SCAF4: variants seen among roughly 807,000 people sequenced by gnomAD.
SCAF4 encodes SR-related and CTD-associated factor 4.
Under a neutral mutation model 129.8 loss-of-function variants are expected in SCAF4, and 25 were observed. The observed-to-expected ratio is 0.19, with a 90% CI of 0.14 to 0.27. SCAF4 has a LOEUF of 0.27. Ranked by LOEUF, SCAF4 falls within the 10% of genes least tolerant of loss-of-function variation. The pLI is 1.00. For missense variants in SCAF4, 1,246 were observed against 1,457.1 expected (o/e 0.86, Z 2.36); for synonymous variants, 551 against 497.7 (o/e 1.11, Z -1.43).
Position 31,696,158 on chromosome 21 carries a change from A to G in SCAF4, c.1023T>C (p.Phe341=). ...AYTQHQNMDQ[F]QPRMMGIQQD... Reference sequence around the variant, plus strand: ...GTTGTATTCCCATCATTCGTGGCTGAAACTGATCCATATTTTGATGCTGTG... The same window carrying G: ...GTTGTATTCCCATCATTCGTGGCTGGAACTGATCCATATTTTGATGCTGTG... Residue 341 remains phenylalanine, a synonymous_variant, in exon 9 of 20, where the codon TTT becomes TTC. Coordinates refer to ENST00000286835, the MANE Select transcript of SCAF4 (RefSeq NM_020706.2). 2 of 1,614,036 alleles carry G rather than the reference A, an allele frequency of 1.2e-6. No individual in the cohort carries two copies. The highest frequency in any genetic ancestry group is 1.7e-6 in the Non-Finnish European group (2 of 1,179,952).
chr21:31,700,911 A>T (rs1568845966), intron 7 of SCAF4, 84 bp downstream of exon 7: 1 of 1,361,662 alleles, frequency 7.3e-7, no homozygotes, highest in East Asian at 2.3e-5. Context: ...TGAACAATCC[A>T]CAGAAGGGAT....
chr21:31,720,427 A>G (rs1181011325), intron 1 of SCAF4, among the ~76,000 whole-genome samples: 1 of 152,206 alleles, frequency 6.6e-6, no homozygotes, highest in Non-Finnish European at 1.5e-5. Flanking sequence ...CCAAAAGTAC[A>G]CATTATTTTG....
chr21:31,731,777 G>C lies in SCAF4; in HGVS notation c.-85C>G. ...CGGAGCGGGGCTGGGAAACCAGCCG[G>C]GCCTGGTGGCCGGGGGGAGGCGACG... On this transcript the variant is annotated 5_prime_UTR_variant, in exon 1 of 20. Coordinates refer to ENST00000286835, the MANE Select transcript of SCAF4 (RefSeq NM_020706.2). The C allele has an allele frequency of 1.4e-6, 2 of 1,433,422 alleles. No homozygotes were observed. The allele number at this position is 1,433,422 out of a possible 1,614,324, so 88.8% of individuals were successfully genotyped here.
rs780899075 is a variant in SCAF4 at position 31,694,777 on chromosome 21, A to T, written c.1236+36T>A. The stretch of plus-strand genomic sequence containing the variant: ...AAATCTGCATATAAGTCAAGGCAAC[A>T]AAAAAAGATAAAACTATCTGAGAAT... On this transcript the variant is annotated intron_variant, in intron 10 of 19. Transcript: ENST00000286835. 3 of 1,601,374 alleles carry T rather than the reference A, an allele frequency of 1.9e-6. No individual in the cohort carries two copies. The South Asian group carries it at 3.3e-5, about 18-fold the overall frequency.
At chr21:31,691,242 G>C (rs1312889324) in intron 14 of SCAF4, among the ~76,000 whole-genome samples, 1 of 152,118 alleles carries the variant, frequency 6.6e-6, no homozygotes, top group African/African-American at 2.4e-5. Context: ...ACAGGGAAAG[G>C]CTGAAGTTCC....
chr21:31,700,853 T>A (rs764580725), intron 7 of SCAF4, 142 bp downstream of exon 7: 3 of 955,598 alleles, frequency 3.1e-6, no homozygotes, highest in Non-Finnish European at 4.9e-6. Flanking sequence ...AAATAATCGA[T>A]GTTTTCTTGT....
chr21:31,671,206 A>G lies in SCAF4; in HGVS notation c.*193T>C. ...AGTTACAGCAAAAAGGGTAATATTTATTCATATTTTCAGTATTTTTTGTTA... is the reference window on the plus strand; with the variant it reads ...AGTTACAGCAAAAAGGGTAATATTTGTTCATATTTTCAGTATTTTTTGTTA... On this transcript the variant is annotated 3_prime_UTR_variant, in exon 20 of 20. Transcript: ENST00000286835. The G allele has an allele frequency of 2.1e-6, 1 of 478,746 alleles. No individual in the cohort carries two copies. The highest frequency in any genetic ancestry group is 3.6e-6 in the Non-Finnish European group (1 of 280,966). 29.7% of individuals were successfully genotyped at this position (478,746 alleles called of 1,614,324 possible). A position where few individuals can be genotyped will look rare whatever the true frequency, so the allele number is the denominator to read the frequency against.
intron 14 of SCAF4, 54 bp from the exon 15 acceptor site, chr21:31,691,007 T>G: frequency 4.8e-6 from 7 of 1,470,418 alleles, no homozygotes; most frequent in Admixed American, 1.9e-5. Flanking sequence ...GTCGTAAGTC[T>G]TGAGGGTATT....
chr21:31,694,042 C>A lies in SCAF4; in HGVS notation c.1322+162G>T, dbSNP rs959612728. Among the ~76,000 whole-genome samples the A allele has an allele frequency of 1.3e-5, 2 of 151,132 alleles. 1 individual carries two copies. The highest frequency in any genetic ancestry group is 1.3e-4 in the Admixed American group (2 of 15,200). On this transcript the variant is annotated intron_variant, in intron 11 of 19. Transcript: ENST00000286835. ...ATGAATGATGTAGTTTTTTTTTTTA[C>A]ATCAATACTTCACCTGCCCCCTTCT...
intron 19 of SCAF4, among the ~76,000 whole-genome samples, chr21:31,677,134 C>T (rs931848094): frequency 6.6e-6 from 1 of 152,038 alleles, no homozygotes; most frequent in African/African-American, 2.4e-5. Context: ...TTTCATCCAC[C>T]CACATGCCAC....
In SCAF4 at chr21:31,671,480, A is replaced by C. The variant is rs781658059; in HGVS notation, c.3363T>G (p.Pro1121=). Residue 1121 remains proline, a synonymous_variant, in exon 20 of 20, where the codon CCT becomes CCG. Coordinates refer to ENST00000286835, the MANE Select transcript of SCAF4 (RefSeq NM_020706.2). The part of the protein sequence containing the change: ...KGVSEAAVLK[P]SEELPAEATS... The stretch of plus-strand genomic sequence containing the variant: ...TAGCCTCAGCAGGTAACTCTTCAGA[A>C]GGCTTTAGGACTGCAGCCTCAGACA... The C allele has an allele frequency of 3.1e-6, 5 of 1,614,174 alleles. No individual in the cohort carries two copies. The South Asian group carries it at 4.4e-5, about 14-fold the overall frequency.
intron 15 of SCAF4, 117 bp from the exon 16 acceptor site, chr21:31,688,581 G>T: frequency 2.6e-6 from 2 of 782,476 alleles, no homozygotes; most frequent in Non-Finnish European, 4.2e-6. Context: ...AAATTCCCAT[G>T]CTAATTTTAG....
At chr21:31,712,933 G>C in intron 1 of SCAF4, 2 of 914,640 alleles carry the variant, frequency 2.2e-6, no homozygotes, top group Non-Finnish European at 2.6e-6. Context: ...TAAATGTCTT[G>C]GTCTCTAACT....
chr21:31,699,544 A>G (rs1008601184), intron 7 of SCAF4, among the ~76,000 whole-genome samples: 1 of 151,980 alleles, frequency 6.6e-6, no homozygotes, highest in African/African-American at 2.4e-5. Flanking sequence ...TTTTTACTCA[A>G]AAAAATGTAT....
intron 1 of SCAF4, among the ~76,000 whole-genome samples, chr21:31,729,369 T>C (rs2051289188): frequency 6.6e-6 from 1 of 152,238 alleles, no homozygotes; most frequent in Non-Finnish European, 1.5e-5. Flanking sequence ...TATGCCACAC[T>C]GCAATGGAAG....
Position 31,691,812 on chromosome 21 carries a change from T to A in SCAF4, c.1728+5A>T, listed in dbSNP as rs746522708. The A allele has an allele frequency of 1.3e-6, 2 of 1,522,204 alleles. No homozygotes were observed. Among genetic ancestry groups the A allele is most frequent in the South Asian group, 2.3e-5 (2 of 85,384 alleles). The allele number at this position is 1,522,204 out of a possible 1,614,324, so 94.3% of individuals were successfully genotyped here. A position where few individuals can be genotyped will look rare whatever the true frequency, so the allele number is the denominator to read the frequency against. ...AAAAATTAATTATAACATGTAAGAC[T>A]GTACCTTTATGGATTTCTGGTTCAC... On this transcript the variant is annotated splice_donor_5th_base_variant and intron_variant, in intron 14 of 19. Transcript: ENST00000286835.
chr21:31,678,247 C>T (rs557155902), intron 19 of SCAF4, among the ~76,000 whole-genome samples: 4 of 152,200 alleles, frequency 2.6e-5, no homozygotes, highest in South Asian at 4.1e-4. Flanking sequence ...TACAGATTTG[C>T]GCATCACAGG....
intron 4 of SCAF4, 129 bp from the exon 5 acceptor site, chr21:31,702,508 GA>G (rs60360895): frequency 0.072 from 41,648 of 579,720 alleles, 530 homozygotes; most frequent in Non-Finnish European, 0.077. Context: ...CATAAACAAG[GA>G]AAAAAAAAAA....
At chr21:31,689,357 G>A (rs2050203975) in intron 15 of SCAF4, among the ~76,000 whole-genome samples, 1 of 151,466 alleles carries the variant, frequency 6.6e-6, no homozygotes, top group South Asian at 2.1e-4. Flanking sequence ...GAGTGCAGTG[G>A]CGCAATCTCA....
Sources: allele counts gnomAD v4.1 joint callset (sites outside exome capture counted in the v4.1 genomes callset), GRCh38; gene constraint gnomAD v4.1.1; transcripts MANE v1.5; gene names NCBI Gene and HGNC (gene_info 2026-07-23, HGNC 2026-07-21).